TCTN2: variants seen among roughly 807,000 people sequenced by gnomAD.
TCTN2 encodes tectonic family member 2, also known as tectonic-2.
In TCTN2, 66 loss-of-function variants were observed where a neutral mutation model predicts 83.4. The ratio of observed to expected loss-of-function variants is 0.79; its 90% CI spans 0.65 to 0.97. The LOEUF (loss-of-function observed/expected upper bound fraction) is 0.97. TCTN2 is among the 50% of genes least tolerant of loss of function. TCTN2 has a pLI of 0.00. For missense variants in TCTN2, 794 were observed against 858.1 expected, an observed-to-expected ratio of 0.93 and a Z score of 0.93; for synonymous variants, 301 against 326.7, an observed-to-expected ratio of 0.92 and a Z score of 0.85.
intron 14 of TCTN2, among the ~76,000 whole-genome samples, chr12:123,702,741 G>A (rs563963426): frequency 6.6e-6 from 1 of 152,342 alleles, no homozygotes; most frequent in South Asian, 2.1e-4. Context: ...AAACGGTAGG[G>A]AAAATGTCCA....
chr12:123,704,961 AT>A (rs1240326459), intron 15 of TCTN2, among the ~76,000 whole-genome samples: 1 of 152,004 alleles, frequency 6.6e-6, no homozygotes, highest in East Asian at 1.9e-4. Flanking sequence ...TACTAAGTAT[AT>A]TTTGAAATCC....
rs1025036102 is a variant in TCTN2, at chr12:123,671,397, T to G, written c.82+75T>G. 3.8e-6 allele frequency: 6 copies of G among 1,595,544 alleles called. No homozygotes were observed. In the African/African-American group the frequency reaches 5.4e-5, roughly 14 times the overall value. The stretch of plus-strand genomic sequence containing the variant: ...GGCGTTAAAAGGGCCAGACTTGGAC[T>G]CCCCCGGGAGCTTCGGGAGTCGACA... On this transcript the variant is annotated intron_variant, in intron 1 of 17. Transcript: ENST00000303372.
chr12:123,682,568 G>A (rs369447962), intron 5 of TCTN2, among the ~76,000 whole-genome samples: 3 of 151,030 alleles, frequency 2.0e-5, no homozygotes, highest in Middle Eastern at 3.4e-3. Flanking sequence ...TGCAGCCTCC[G>A]CCTCCCAGGT....
intron 11 of TCTN2, chr12:123,695,658 C>G (rs1378803272): frequency 5.7e-6 from 1 of 174,958 alleles, no homozygotes; most frequent in East Asian, 1.6e-4. Context: ...GAGAGGCTTG[C>G]AGGGTTGCTC....
At chr12:123,690,509 G>T (rs555241421) in intron 7 of TCTN2, 24 bp from the exon 8 acceptor site, 1 of 1,614,158 alleles carries the variant, frequency 6.2e-7, no homozygotes, top group African/African-American at 1.3e-5. Context: ...CCATAAATCT[G>T]TTGGCTTTGC....
intron 5 of TCTN2, among the ~76,000 whole-genome samples, chr12:123,683,819 G>A (rs930974374): frequency 3.9e-5 from 6 of 152,118 alleles, no homozygotes; most frequent in Admixed American, 6.5e-5. Context: ...TTTGTATTTT[G>A]TTGTAGAGAT....
rs1593868656 is a variant in TCTN2 at position 123,704,542 on chromosome 12, C to T, written c.1623C>T (p.Ala541=). 2 of 1,612,032 alleles carry T rather than the reference C, an allele frequency of 1.2e-6. No individual in the cohort carries two copies. The highest frequency in any genetic ancestry group is 8.5e-7 in the Non-Finnish European group (1 of 1,179,192). ...DGWLEIIRVD[A]PDPGADPLAS... ...TTAACATTTCTATAGGTGTAGATGCCCCTGATCCAGGTGCAGACCCGCTGG... is the reference window on the plus strand; with the variant it reads ...TTAACATTTCTATAGGTGTAGATGCTCCTGATCCAGGTGCAGACCCGCTGG... Residue 541 remains alanine, a synonymous_variant, in exon 15 of 18, where the codon GCC becomes GCT. Transcript: ENST00000303372.
rs1955784228 is a variant in TCTN2 at position 123,673,683 on chromosome 12, C to T, written c.336C>T (p.Ser112=). ...LDWCSSNETD[S]FSESPCILQT... is the part of the protein sequence containing the mutation. ...GGTGTTCCTCCAATGAGACAGATTC[C>T]TTCTCAGAGTCCCCCTGTATCCTCC... Residue 112 remains serine (S), a synonymous_variant, in exon 4 of 18, where the codon TCC becomes TCT. Coordinates refer to ENST00000303372, the MANE Select transcript of TCTN2 (RefSeq NM_024809.5). 1 of 1,614,194 alleles carries T rather than the reference C, an allele frequency of 6.2e-7. No homozygotes were observed. Among genetic ancestry groups the T allele is most frequent in the East Asian group, 2.2e-5 (1 of 44,888 alleles).
At chr12:123,686,671 T>C (rs1433148421) in intron 5 of TCTN2, among the ~76,000 whole-genome samples, 165 bp from the exon 6 acceptor site, 1 of 152,156 alleles carries the variant, frequency 6.6e-6, no homozygotes, top group Non-Finnish European at 1.5e-5. Flanking sequence ...CCAGAACTAT[T>C]TTACTTTTTG....
chr12:123,696,887 A>C (rs2135849405), intron 12 of TCTN2, 200 bp from the exon 13 acceptor site: 1 of 576,650 alleles, frequency 1.7e-6, no homozygotes, highest in African/African-American at 1.9e-5. Flanking sequence ...CTTCTGAAGA[A>C]ACCACCGCTC....
At chr12:123,688,014 TAACTG>T (rs764284839) in intron 6 of TCTN2, 32 bp from the exon 7 acceptor site, 3 of 1,612,060 alleles carry the variant, frequency 1.9e-6, no homozygotes, top group Non-Finnish European at 2.5e-6. Flanking sequence ...TTTTAGCAGA[TAACTG>T]AAACTATTCA....
chr12:123,707,113 C>A, intron 17 of TCTN2, 40 bp downstream of exon 17: 1 of 1,576,428 alleles, frequency 6.3e-7, no homozygotes, highest in Non-Finnish European at 8.7e-7. Context: ...TATGTTATGT[C>A]AATTTAAAAA....
At chr12:123,692,087 GT>G (rs1956049965) in intron 8 of TCTN2, among the ~76,000 whole-genome samples, 1 of 152,114 alleles carries the variant, frequency 6.6e-6, no homozygotes, top group African/African-American at 2.4e-5. Context: ...TAGAGACGAA[GT>G]TTAGTAGAGA....
intron 13 of TCTN2, 141 bp from the exon 14 acceptor site, chr12:123,699,563 A>G (rs1956148038): frequency 2.7e-6 from 2 of 728,210 alleles, no homozygotes; most frequent in East Asian, 5.3e-5. Flanking sequence ...TCCATGGGTG[A>G]CACCCAGCCA....
At chr12:123,679,377 C>G (rs771657151) in intron 5 of TCTN2, 88 bp downstream of exon 5, 9 of 1,217,456 alleles carry the variant, frequency 7.4e-6, no homozygotes, top group Non-Finnish European at 1.1e-5. Context: ...TTTTTTATTT[C>G]TTGAGATAGG....
intron 9 of TCTN2, among the ~76,000 whole-genome samples, chr12:123,693,415 A>G (rs1334850963): frequency 1.5e-5 from 2 of 130,394 alleles, no homozygotes; most frequent in South Asian, 2.4e-4. Flanking sequence ...AAACTTTCCA[A>G]TTGTGATGCA....
chr12:123,687,656 CAAACA>C (rs964767382), intron 6 of TCTN2, among the ~76,000 whole-genome samples: 2 of 126,104 alleles, frequency 1.6e-5, no homozygotes, highest in African/African-American at 3.1e-5. Context: ...TGGCCCAAAA[CAAACA>C]AAACAAAACA....
intron 4 of TCTN2, among the ~76,000 whole-genome samples, chr12:123,678,682 G>T (rs1196176938): frequency 6.6e-6 from 1 of 152,188 alleles, no homozygotes; most frequent in African/African-American, 2.4e-5. Flanking sequence ...ATTGTAACTG[G>T]CGTGTTTTCT....
At chr12:123,672,239 A>G in intron 3 of TCTN2, 107 bp downstream of exon 3, 2 of 1,030,070 alleles carry the variant, frequency 1.9e-6, no homozygotes, top group Non-Finnish European at 1.5e-6. Flanking sequence ...CATGCTCTCA[A>G]CAATCATGAA....
Sources: allele counts gnomAD v4.1 joint callset (sites outside exome capture counted in the v4.1 genomes callset), GRCh38; gene constraint gnomAD v4.1.1; transcripts MANE v1.5; gene names NCBI Gene and HGNC (gene_info 2026-07-23, HGNC 2026-07-21).